Variants in CEP70 observed in about 807,000 individuals in gnomAD.
The protein encoded by CEP70 is centrosomal protein 70.
A neutral mutation model predicts 90.9 loss-of-function variants in CEP70; 70 were observed. That is an observed-to-expected ratio of 0.77 (90% CI 0.64 to 0.94). CEP70 has a LOEUF of 0.94. CEP70 is among the 40% of genes least tolerant of loss of function. The probability of loss-of-function intolerance (pLI) is 0.00; values close to 1 mark genes in which losing one functional copy is unlikely to be tolerated. For synonymous variants in CEP70, 220 were observed against 228.3 expected (o/e 0.96, Z 0.33); for missense variants, 648 against 669.0 (o/e 0.97, Z 0.35).
intron 6 of CEP70, among the ~76,000 whole-genome samples, chr3:138,563,936 T>G (rs916361359): frequency 1.3e-5 from 2 of 151,774 alleles, no homozygotes; most frequent in South Asian, 4.2e-4. Flanking sequence ...ATCAACAAAA[T>G]GGATAGACCA....
intron 11 of CEP70, among the ~76,000 whole-genome samples, chr3:138,518,372 G>C (rs1431071846): frequency 6.6e-6 from 1 of 152,194 alleles, no homozygotes; most frequent in African/African-American, 2.4e-5. Context: ...CTGAGAACTG[G>C]CAGACTGCCT....
At position 138,541,697 on chromosome 3, in the gene CEP70, T is replaced by C. The variant is rs1029022642; in HGVS notation, c.466-4350A>G. 3.3e-5 allele frequency among the ~76,000 whole-genome samples: 5 copies of C among 152,168 alleles called. No individual in the cohort carries two copies. The South Asian group carries it at 1.0e-3, about 32-fold the overall frequency. On this transcript the variant is annotated intron_variant, in intron 6 of 17. Coordinates refer to ENST00000264982, the MANE Select transcript of CEP70 (RefSeq NM_024491.4). ...AATTGTGGTGTGTAATCCAGTCATA[T>C]CTCTAGTATGAATACTAAAAGACAA...
At chr3:138,548,779 C>G (rs936320150) in intron 6 of CEP70, among the ~76,000 whole-genome samples, 6 of 152,166 alleles carry the variant, frequency 3.9e-5, no homozygotes, top group African/African-American at 9.7e-5. Context: ...TGCTCCAAAA[C>G]TACTACAGGA....
chr3:138,512,873 T>C (rs956410867), intron 11 of CEP70, among the ~76,000 whole-genome samples: 1 of 152,172 alleles, frequency 6.6e-6, no homozygotes, highest in African/African-American at 2.4e-5. Context: ...AAAATTCCAC[T>C]AATTTAGCTA....
At position 138,512,796 on chromosome 3, in the gene CEP70, A is replaced by G. The variant is rs188130646; in HGVS notation, c.945-4252T>C. On this transcript the variant is annotated intron_variant, in intron 11 of 17. Coordinates refer to ENST00000264982, the MANE Select transcript of CEP70 (RefSeq NM_024491.4). ...TGTTGGAGCTTTTCCATGATCTCAC[A>G]GTGGAATAAGATCCATGCTGGAGAT... 2.6e-5 allele frequency among the ~76,000 whole-genome samples: 4 copies of G among 152,330 alleles called. No homozygotes were observed. The East Asian group carries it at 7.7e-4, about 29-fold the overall frequency.
chr3:138,497,412 A>T, intron 17 of CEP70: 1 of 1,143,424 alleles, frequency 8.7e-7, no homozygotes, highest in Non-Finnish European at 1.1e-6. Flanking sequence ...TTTAAAAATC[A>T]TTCTTAATAG....
intron 11 of CEP70, among the ~76,000 whole-genome samples, chr3:138,510,698 T>C (rs187307127): frequency 8.2e-4 from 125 of 152,104 alleles, no homozygotes; most frequent in African/African-American, 8.7e-4. Context: ...ATTTGAAGGA[T>C]TATTACGAGA....
In CEP70 at chr3:138,572,882, C is replaced by G. The variant is rs750044662; in HGVS notation, c.46G>C (p.Asp16His). ...ACCTGTTTTTCAGTCATGAGTCTGT[C>G]TGATGGTTGACTGGAATCCTGGGGT... ...PKPQDSSQPS[D>H]RLMTEKQQEE... The change falls in exon 3 of 18, where the codon GAC becomes CAC. Residue 16 changes from aspartate to histidine, a missense_variant. Coordinates refer to ENST00000264982, the MANE Select transcript of CEP70 (RefSeq NM_024491.4). The G allele has an allele frequency of 6.8e-6, 11 of 1,608,618 alleles. No homozygotes were observed. Among genetic ancestry groups the G allele is most frequent in the Non-Finnish European group, 9.4e-6 (11 of 1,175,732 alleles).
chr3:138,543,073 T>C (rs758299611), intron 6 of CEP70, among the ~76,000 whole-genome samples: 1 of 151,954 alleles, frequency 6.6e-6, no homozygotes, highest in Non-Finnish European at 1.5e-5. Context: ...ATGAAGGAAG[T>C]TCTCACTCCA....
chr3:138,518,201 G>C (rs2108771155), intron 11 of CEP70, among the ~76,000 whole-genome samples: 1 of 152,292 alleles, frequency 6.6e-6, no homozygotes, highest in Non-Finnish European at 1.5e-5. Context: ...GAACTGGGTG[G>C]AGCCCACCGC....
rs141143307 is a variant in CEP70, at chr3:138,505,395, C to G, written c.1121G>C (p.Gly374Ala). The G allele has an allele frequency of 1.3e-5, 21 of 1,611,722 alleles. No homozygotes were observed. The highest frequency in any genetic ancestry group is 1.8e-5 in the Non-Finnish European group (21 of 1,179,104). Reference sequence around the variant, plus strand: ...ATCTTTATTAAAATTTTGGACTCCCCCTTTGGTCTGTTTATAAATTATTAC... The same window carrying G: ...ATCTTTATTAAAATTTTGGACTCCCGCTTTGGTCTGTTTATAAATTATTAC... ...APVIIYKQTK[G>A]GVQNFNKDLV... The change falls in exon 13 of 18, where the codon GGG (glycine) becomes GCG (alanine). Residue 374 changes from glycine (G) to alanine (A), a missense_variant. By Grantham distance (60) the Gly-to-Ala change is moderately conservative (BLOSUM62 0). Coordinates refer to ENST00000264982, the MANE Select transcript of CEP70 (RefSeq NM_024491.4).
chr3:138,516,905 A>G (rs2036084693), intron 11 of CEP70, among the ~76,000 whole-genome samples: 1 of 152,220 alleles, frequency 6.6e-6, no homozygotes, highest in South Asian at 2.1e-4. Flanking sequence ...CATTCCCTTG[A>G]ATCAAAGAGT....
chr3:138,519,988 A>C (rs1654099887), intron 11 of CEP70, among the ~76,000 whole-genome samples: 1 of 152,198 alleles, frequency 6.6e-6, no homozygotes, highest in South Asian at 2.1e-4. Flanking sequence ...ATGGAGGAAG[A>C]TCTACTAAGC....
chr3:138,513,183 G>A (rs1010439775), intron 11 of CEP70, among the ~76,000 whole-genome samples: 1 of 152,208 alleles, frequency 6.6e-6, no homozygotes, highest in African/African-American at 2.4e-5. Flanking sequence ...ATGATGCACA[G>A]CCTGTGCACT....
chr3:138,506,223 C>G (rs996043779), intron 12 of CEP70, among the ~76,000 whole-genome samples: 2 of 152,092 alleles, frequency 1.3e-5, no homozygotes, highest in Non-Finnish European at 2.9e-5. Flanking sequence ...GTGGCTCATG[C>G]CTGTAATCCC....
At position 138,571,280 on chromosome 3, in the gene CEP70, C is replaced by T. The variant is rs1250694077; in HGVS notation, c.146G>A (p.Arg49Lys). Residue 49 changes from arginine (R) to lysine (K), a missense_variant, in exon 4 of 18, where the codon AGA becomes AAA. Transcript: ENST00000264982. ...HGLKPLSLVK[R>K]TDLKDLIIFD... ...GATCTAATTACCTTTGAGATCTGTT[C>T]TTTTGACTAGAGACAAAGGTTTTAA... 6.8e-6 allele frequency: 11 copies of T among 1,608,608 alleles called. No individual in the cohort carries two copies. Among genetic ancestry groups the T allele is most frequent in the Non-Finnish European group, 8.5e-6 (10 of 1,177,036 alleles).
intron 11 of CEP70, among the ~76,000 whole-genome samples, chr3:138,515,072 T>C (rs2035880057): frequency 1.3e-5 from 2 of 152,084 alleles, no homozygotes; most frequent in African/African-American, 4.8e-5. Context: ...GAACAATATA[T>C]ATATGCAATC....
chr3:138,495,325 C>G (rs1018009252), intron 17 of CEP70, among the ~76,000 whole-genome samples: 1 of 152,196 alleles, frequency 6.6e-6, no homozygotes, highest in African/African-American at 2.4e-5. Flanking sequence ...CTAGTATTAA[C>G]TTCATTAGCA....
intron 11 of CEP70, among the ~76,000 whole-genome samples, chr3:138,516,780 G>A (rs530362123): frequency 6.6e-5 from 10 of 151,846 alleles, no homozygotes; most frequent in African/African-American, 2.2e-4. Context: ...AAACAGAGCT[G>A]TCGCTGAAAA....
Sources: allele counts gnomAD v4.1 joint callset (sites outside exome capture counted in the v4.1 genomes callset), GRCh38; gene constraint gnomAD v4.1.1; transcripts MANE v1.5; gene names NCBI Gene and HGNC (gene_info 2026-07-23, HGNC 2026-07-21).